Variants in KDM4B observed in about 807,000 individuals in gnomAD.
KDM4B encodes lysine demethylase 4B.
Under a neutral mutation model 125.2 loss-of-function variants are expected in KDM4B, and 32 were observed. That is an observed-to-expected ratio of 0.26 (90% CI 0.19 to 0.34). The LOEUF is 0.34. Among genes scored for constraint, KDM4B ranks in the 10% least tolerant of loss-of-function variants. The probability of loss-of-function intolerance (pLI) is 1.00; values close to 1 mark genes in which losing one functional copy is unlikely to be tolerated. For missense variants in KDM4B, 1,190 were observed against 1,577.7 expected, an observed-to-expected ratio of 0.75 and a Z score of 4.16; for synonymous variants, 721 against 677.9, an observed-to-expected ratio of 1.06 and a Z score of -0.99.
chr19:5,130,788 G>A (rs962343244), intron 11 of KDM4B, among the ~76,000 whole-genome samples: 1 of 152,238 alleles, frequency 6.6e-6, no homozygotes, highest in African/African-American at 2.4e-5. Context: ...GACCCCAGAA[G>A]GCACATAGAG....
chr19:5,050,757 G>A (rs1248449804), intron 6 of KDM4B, among the ~76,000 whole-genome samples: 3 of 152,146 alleles, frequency 2.0e-5, no homozygotes, highest in Admixed American at 6.5e-5. Context: ...AAAATGAGCC[G>A]GGTGTGGTGG....
In KDM4B at chr19:5,090,983, G is replaced by A. The variant is rs188717789; in HGVS notation, c.918+8479G>A. ...TTCCTGTCTCAGAGCAGGATCCCCCGGCATGTGCTCCAGCAGGCAGGCTTT... is the reference window on the plus strand; with the variant it reads ...TTCCTGTCTCAGAGCAGGATCCCCCAGCATGTGCTCCAGCAGGCAGGCTTT... On this transcript the variant is annotated intron_variant, in intron 9 of 22. Coordinates refer to ENST00000159111, the MANE Select transcript of KDM4B (RefSeq NM_015015.3). Among the ~76,000 whole-genome samples the A allele has an allele frequency of 5.0e-3, 760 of 152,264 alleles. 4 individuals are homozygous for A. Among genetic ancestry groups the A allele is most frequent in the Middle Eastern group, 0.024 (7 of 294 alleles).
chr19:5,002,078 A>G (rs922462547), intron 1 of KDM4B, among the ~76,000 whole-genome samples: 3 of 149,546 alleles, frequency 2.0e-5, no homozygotes, highest in South Asian at 4.3e-4. Context: ...GCTCATTGCA[A>G]CCTCCGCCTC....
At chr19:4,989,567 C>T (rs1452623973) in intron 1 of KDM4B, among the ~76,000 whole-genome samples, 2 of 152,224 alleles carry the variant, frequency 1.3e-5, no homozygotes, top group East Asian at 3.9e-4. Context: ...TCTTGAACTC[C>T]TGACCTCAGG....
intron 2 of KDM4B, among the ~76,000 whole-genome samples, chr19:5,030,739 G>A (rs1285160240): frequency 6.6e-6 from 1 of 152,244 alleles, no homozygotes; most frequent in Non-Finnish European, 1.5e-5. Flanking sequence ...TGCCCCTCGT[G>A]GGCCTCTGTG....
intron 4 of KDM4B, 152 bp downstream of exon 4, chr19:5,040,163 C>T (rs919428227): frequency 2.3e-6 from 2 of 876,504 alleles, no homozygotes; most frequent in Non-Finnish European, 1.7e-6. Flanking sequence ...GCGACCCCTG[C>T]TCCCAGGGTG....
intron 7 of KDM4B, chr19:5,075,691 A>G (rs2038083600): frequency 6.6e-6 from 1 of 152,232 alleles, no homozygotes; most frequent in African/African-American, 2.4e-5. Flanking sequence ...TCAGCTGCAG[A>G]GCGCACTCCT....
intron 11 of KDM4B, among the ~76,000 whole-genome samples, chr19:5,124,456 A>G (rs1204142841): frequency 6.6e-6 from 1 of 152,100 alleles, no homozygotes; most frequent in East Asian, 1.9e-4. Flanking sequence ...GAGGGGTCAC[A>G]AGGATCCCCC....
intron 9 of KDM4B, among the ~76,000 whole-genome samples, chr19:5,090,278 C>T (rs1440350342): frequency 6.6e-5 from 10 of 151,874 alleles, no homozygotes; most frequent in Non-Finnish European, 1.5e-4. Context: ...CAGGCTGAGG[C>T]TTAGGGTGCA....
At chr19:5,004,061 G>T (rs773213020) in intron 1 of KDM4B, among the ~76,000 whole-genome samples, 120 of 152,166 alleles carry the variant, frequency 7.9e-4, no homozygotes, top group Admixed American at 5.2e-4. Flanking sequence ...GTGTACTTTG[G>T]TACACAAATG....
intron 1 of KDM4B, among the ~76,000 whole-genome samples, chr19:4,986,761 T>C (rs370905084): frequency 6.6e-6 from 1 of 151,978 alleles, no homozygotes; most frequent in Admixed American, 6.6e-5. Flanking sequence ...GGGACAAGAG[T>C]GCTCCAAAGA....
chr19:5,114,181 T>A lies in KDM4B; in HGVS notation c.1115+3363T>A, dbSNP rs988199775. The A allele has an allele frequency of 4.1e-5, 53 of 1,289,666 alleles. No homozygotes were observed. The African/African-American group carries it at 7.6e-4, about 18-fold the overall frequency. The allele number at this position is 1,289,666 out of a possible 1,614,324, so 79.9% of individuals were successfully genotyped here. ...CCACGCGACGCTCCTCCATGCAAAC[T>A]CTTTCCACGCGAGAAGCGCCATGTG... On this transcript the variant is annotated intron_variant, in intron 10 of 22. Coordinates refer to ENST00000159111, the MANE Select transcript of KDM4B (RefSeq NM_015015.3). The surrounding 1 kb of genome is among the most constrained non-coding windows in gnomAD (Gnocchi z 5.8).
chr19:5,120,550 G>T (rs1245454248), intron 11 of KDM4B, among the ~76,000 whole-genome samples: 2 of 152,178 alleles, frequency 1.3e-5, no homozygotes, highest in African/African-American at 4.8e-5. Flanking sequence ...TGTGAACGGG[G>T]TGCGGGGGGC....
chr19:5,117,183 G>A (rs1413919241), intron 10 of KDM4B, among the ~76,000 whole-genome samples: 1 of 152,204 alleles, frequency 6.6e-6, no homozygotes, highest in Non-Finnish European at 1.5e-5. Context: ...AGGCCCCAGA[G>A]CTCTGGTTGG....
chr19:5,010,917 G>A (rs150341325), intron 1 of KDM4B, among the ~76,000 whole-genome samples: 3,226 of 152,258 alleles, frequency 0.021, 38 homozygotes, highest in Non-Finnish European at 0.031. Context: ...CAAAGTGCTG[G>A]GATTACAGGC....
intron 1 of KDM4B, among the ~76,000 whole-genome samples, chr19:4,982,912 A>G (rs369701616): frequency 6.6e-6 from 1 of 152,092 alleles, no homozygotes; most frequent in East Asian, 1.9e-4. Flanking sequence ...CACCTGGCCT[A>G]AAAGTGATGT....
chr19:4,996,068 G>A (rs578128400), intron 1 of KDM4B, among the ~76,000 whole-genome samples: 2 of 152,182 alleles, frequency 1.3e-5, no homozygotes, highest in East Asian at 1.9e-4. Context: ...TCAGCTCACC[G>A]CAGCCTCCTC....
chr19:5,083,202 A>G (rs1164275519), intron 9 of KDM4B, among the ~76,000 whole-genome samples: 1 of 152,054 alleles, frequency 6.6e-6, no homozygotes, highest in African/African-American at 2.4e-5. Flanking sequence ...CCACTCTCCT[A>G]ACGCCACGTA....
rs1238746603 is a variant in KDM4B, at chr19:5,048,730, AG to A, written c.626+1063del. On this transcript the variant is annotated intron_variant, in intron 6 of 22. Coordinates refer to ENST00000159111, the MANE Select transcript of KDM4B (RefSeq NM_015015.3). ...GGAGCCCAAGGGAAAGGCCCTGTAG[AG>A]GACCCCGTGTGACTTGGGGCAAAGC... is the stretch of plus-strand genomic sequence containing the variant. Among the ~76,000 whole-genome samples, 12 of 152,344 alleles carry A rather than the reference AG, an allele frequency of 7.9e-5. No homozygotes were observed. The East Asian group carries it at 1.2e-3, about 15-fold the overall frequency.
Sources: gnomAD v4.1 joint callset for allele counts (sites outside exome capture counted in the v4.1 genomes callset) on GRCh38, gnomAD v4.1.1 for gene constraint, Gnocchi (gnomAD v3.1) non-coding constraint, MANE v1.5 for transcripts, NCBI Gene and HGNC (gene_info 2026-07-23, HGNC 2026-07-21) for gene names.